The following XKR9 variants were observed in gnomAD, a reference collection of about 807,000 sequenced individuals.
The protein encoded by XKR9 is XK related 9, also known as XK-related protein 9.
XKR9 carries 32 observed loss-of-function variants against 32.0 expected under a neutral mutation model. The observed-to-expected ratio is 1.00, with a 90% CI of 0.76 to 1.34. The LOEUF (loss-of-function observed/expected upper bound fraction) is 1.34. Ranked by LOEUF, XKR9 falls within the 40% of genes most tolerant of loss-of-function variation. XKR9 has a pLI of 0.00. For missense variants in XKR9, 546 were observed against 429.7 expected (o/e 1.27, Z -2.39); for synonymous variants, 168 against 143.4 (o/e 1.17, Z -1.22).
At chr8:70,805,463 G>A in the XKR9 span, among the ~76,000 whole-genome samples, 1 of 152,186 alleles carries the variant, frequency 6.6e-6, no homozygotes, top group South Asian at 2.1e-4. Context: ...TTGGGGGAAG[G>A]GCAGAAGCCA....
the XKR9 span, among the ~76,000 whole-genome samples, chr8:70,921,883 T>C: frequency 6.6e-6 from 1 of 152,172 alleles, no homozygotes; most frequent in African/African-American, 2.4e-5. Flanking sequence ...AATTGGGCAC[T>C]TTCATGTCAG....
chr8:71,033,133 T>C, the XKR9 span, among the ~76,000 whole-genome samples: 3 of 150,870 alleles, frequency 2.0e-5, no homozygotes, highest in Admixed American at 1.3e-4. Flanking sequence ...TAAAATAACC[T>C]ATAATATAAT....
chr8:70,899,984 TA>T, the XKR9 span, among the ~76,000 whole-genome samples: 2 of 152,198 alleles, frequency 1.3e-5, no homozygotes, highest in Non-Finnish European at 2.9e-5. Flanking sequence ...AATTAGCATC[TA>T]AAAATGTACA....
the XKR9 span, among the ~76,000 whole-genome samples, chr8:70,826,666 G>A: frequency 2.4e-4 from 36 of 152,172 alleles, no homozygotes; most frequent in African/African-American, 8.4e-4. Context: ...TTGTGTTACA[G>A]TTAATTTGAG....
chr8:70,767,497 T>TTTTC (rs1491447114), intron 2 of XKR9, among the ~76,000 whole-genome samples: 10 of 19,766 alleles, frequency 5.1e-4, no homozygotes, highest in Admixed American at 8.4e-4. Flanking sequence ...CTTTTCCTTC[T>TTTTC]TTTTTTTTTT....
chr8:70,797,050 A>G, the XKR9 span, among the ~76,000 whole-genome samples: 1 of 152,212 alleles, frequency 6.6e-6, no homozygotes, highest in African/African-American at 2.4e-5. Context: ...TTGGGTTCAA[A>G]TAGTGGTTGC....
chr8:70,696,916 T>A lies in XKR9; in HGVS notation c.273-10017T>A, dbSNP rs1268652620. ...TCCTTCACATCCCTTGTAAGTTGGATTCCTAAGTATTTTATTCTCTTTGAA... is the reference window on the plus strand; with the variant it reads ...TCCTTCACATCCCTTGTAAGTTGGAATCCTAAGTATTTTATTCTCTTTGAA... On this transcript the variant is annotated intron_variant, in intron 3 of 4. Transcript: ENST00000408926. Among the ~76,000 whole-genome samples the A allele has an allele frequency of 3.3e-5, 5 of 149,538 alleles. No homozygotes were observed. The East Asian group carries it at 9.6e-4, about 29-fold the overall frequency.
In XKR9 at chr8:70,734,047, A is replaced by G; in HGVS notation, c.745A>G (p.Asn249Asp). ...WLLGIIWAFKNNTQFCTCISM... is the reference protein window; with the variant it reads ...WLLGIIWAFKDNTQFCTCISM... Reference sequence around the variant, plus strand: ...GTTAGGTATAATATGGGCATTTAAAAACAACACCCAGTTTTGTACTTGTAT... The same window carrying G: ...GTTAGGTATAATATGGGCATTTAAAGACAACACCCAGTTTTGTACTTGTAT... Residue 249 changes from asparagine to aspartate, a missense_variant, in exon 5 of 5, where the codon AAC (asparagine) becomes GAC (aspartate). Physicochemically the swap from Asn to Asp is conservative, Grantham distance 23. Transcript: ENST00000408926. 6.2e-7 allele frequency: 1 copy of G among 1,613,428 alleles called. No individual in the cohort carries two copies. The highest frequency in any genetic ancestry group is 8.5e-7 in the Non-Finnish European group (1 of 1,179,658).
intron 2 of XKR9, among the ~76,000 whole-genome samples, chr8:70,770,859 G>A (rs913861802): frequency 6.6e-6 from 1 of 152,198 alleles, no homozygotes; most frequent in African/African-American, 2.4e-5. Context: ...CTGTGTGGGT[G>A]GGACCTGTTT....
rs375937701 is a variant in XKR9, at chr8:70,705,306, C to G, written c.273-1627C>G. 3.9e-5 allele frequency among the ~76,000 whole-genome samples: 6 copies of G among 152,222 alleles called. No homozygotes were observed. In the East Asian group the frequency reaches 9.6e-4, roughly 24 times the overall value. ...TCTGTCCTTTCATGTAGATTACACT[C>G]TTGTGAGAAGGTAAAGATAATAAAC... On this transcript the variant is annotated intron_variant, in intron 3 of 4. Coordinates refer to ENST00000408926, the MANE Select transcript of XKR9 (RefSeq NM_001011720.2).
Position 70,678,549 on chromosome 8 carries a change from A to G in XKR9, c.-278-2232A>G, listed in dbSNP as rs927620571. On this transcript the variant is annotated intron_variant, in intron 2 of 4. Coordinates refer to ENST00000408926, the MANE Select transcript of XKR9 (RefSeq NM_001011720.2). ...TCTAAGTAAATATTTAATTAGTTCA[A>G]TTGAGCAGAACCTCCCGATTAATCT... 1.1e-4 allele frequency among the ~76,000 whole-genome samples: 17 copies of G among 152,196 alleles called. 1 individual carries two copies. Among genetic ancestry groups the G allele is most frequent in the Admixed American group, 8.5e-4 (13 of 15,276 alleles).
chr8:70,917,510 T>A, the XKR9 span, among the ~76,000 whole-genome samples: 1 of 152,236 alleles, frequency 6.6e-6, no homozygotes, highest in South Asian at 2.1e-4. Context: ...TTTATTTGGG[T>A]ATTAAATGCA....
the XKR9 span, among the ~76,000 whole-genome samples, chr8:71,055,664 A>T: frequency 6.6e-6 from 1 of 152,224 alleles, no homozygotes; most frequent in African/African-American, 2.4e-5. Flanking sequence ...ATCCTCCCCG[A>T]CATTGATGCA....
chr8:71,016,051 A>G, the XKR9 span, among the ~76,000 whole-genome samples: 3 of 152,062 alleles, frequency 2.0e-5, no homozygotes, highest in Non-Finnish European at 2.9e-5. Flanking sequence ...ATGGCTGCTT[A>G]GCAATCCATT....
the XKR9 span, among the ~76,000 whole-genome samples, chr8:70,899,540 T>G: frequency 6.6e-6 from 1 of 152,058 alleles, no homozygotes; most frequent in Non-Finnish European, 1.5e-5. Context: ...AATAAAACTG[T>G]AAAACTCACC....
chr8:70,965,710 T>C, the XKR9 span, among the ~76,000 whole-genome samples: 2 of 152,230 alleles, frequency 1.3e-5, no homozygotes, highest in South Asian at 4.1e-4. Flanking sequence ...AATTTATCTA[T>C]TTCTTCTAGG....
chr8:70,755,298 T>C (rs980493615), intron 2 of XKR9, among the ~76,000 whole-genome samples: 3 of 152,186 alleles, frequency 2.0e-5, no homozygotes, highest in African/African-American at 7.2e-5. Flanking sequence ...GGAACACTTT[T>C]ACACTGTTGC....
At chr8:70,933,890 G>T in the XKR9 span, among the ~76,000 whole-genome samples, 1 of 151,928 alleles carries the variant, frequency 6.6e-6, no homozygotes, top group Non-Finnish European at 1.5e-5. Flanking sequence ...TTGTTGAGCT[G>T]TTCTAAGCAA....
At chr8:71,034,318 C>A in the XKR9 span, among the ~76,000 whole-genome samples, 2 of 152,164 alleles carry the variant, frequency 1.3e-5, no homozygotes, top group African/African-American at 2.4e-5. Flanking sequence ...CCCTGCACTT[C>A]TCTCTCCTAC....
Sources: gnomAD v4.1 joint callset for allele counts (sites outside exome capture counted in the v4.1 genomes callset) on GRCh38, gnomAD v4.1.1 for gene constraint, MANE v1.5 for transcripts, NCBI Gene and HGNC (gene_info 2026-07-23, HGNC 2026-07-21) for gene names.